Variants in EPHX3 observed in about 807,000 individuals in gnomAD.
EPHX3 encodes the protein epoxide hydrolase 3, also known as abhydrolase domain containing 9.
Under a neutral mutation model 40.2 loss-of-function variants are expected in EPHX3, and 39 were observed. The observed-to-expected ratio is 0.97, with a 90% CI of 0.75 to 1.27. The LOEUF is 1.27. Ranked by LOEUF, EPHX3 falls within the 50% of genes most tolerant of loss-of-function variation. The pLI is 0.00. For synonymous variants in EPHX3, 213 were observed against 209.7 expected, an observed-to-expected ratio of 1.02 and a Z score of -0.14; for missense variants, 442 against 474.0, an observed-to-expected ratio of 0.93 and a Z score of 0.63.
At chr19:15,233,304 G>A (rs2047168291), upstream of EPHX3, 1 of 152,462 alleles carries the variant, frequency 6.6e-6, no homozygotes, top group African/African-American at 2.4e-5. Flanking sequence ...AGCGGCTGGA[G>A]GAGGCTTCGG....
chr19:15,227,915 C>A lies in EPHX3; in HGVS notation c.721-8G>T. On this transcript the variant is annotated splice_polypyrimidine_tract_variant and splice_region_variant and intron_variant, in intron 5 of 6. Coordinates refer to ENST00000221730, the MANE Select transcript of EPHX3 (RefSeq NM_024794.3). ...GAGGGTGGTCTTCAGAATCTAGGTA[C>A]ACAGCAGGACTCTGGCTTCAGTGCC... The A allele has an allele frequency of 6.2e-7, 1 of 1,614,072 alleles. No individual in the cohort carries two copies. The highest frequency in any genetic ancestry group is 1.1e-5 in the South Asian group (1 of 91,076).
At chr19:15,229,759 G>GGCAGGT (rs2047139433) in intron 4 of EPHX3, among the ~76,000 whole-genome samples, 2 of 148,604 alleles carry the variant, frequency 1.3e-5, no homozygotes, top group East Asian at 2.0e-4. Flanking sequence ...CCGGCATGGT[G>GGCAGGT]GCCTGTAATC....
At chr19:15,232,621 A>C (rs1487155696), upstream of EPHX3, among the ~76,000 whole-genome samples, 1 of 151,096 alleles carries the variant, frequency 6.6e-6, no homozygotes. Flanking sequence ...TCACGCCTGT[A>C]ATCCCAGCAC....
chr19:15,231,747 G>A (rs772764049), intron 2 of EPHX3, 29 bp downstream of exon 2: 4 of 1,611,562 alleles, frequency 2.5e-6, no homozygotes, highest in Non-Finnish European at 3.4e-6. Flanking sequence ...CGAGTCCCGT[G>A]GGCCTCAGGC....
At chr19:15,235,693 C>T (rs1354612395), upstream of EPHX3, 1 of 152,160 alleles carries the variant, frequency 6.6e-6, no homozygotes, top group Non-Finnish European at 1.5e-5. Flanking sequence ...TCCGTGCATA[C>T]AGTACAGTGG....
At chr19:15,230,858 G>C in intron 4 of EPHX3, 104 bp downstream of exon 4, 1 of 1,481,742 alleles carries the variant, frequency 6.7e-7, no homozygotes, top group Non-Finnish European at 9.2e-7. Flanking sequence ...TGCACCCTCA[G>C]CCCCTGATGT....
In EPHX3 at chr19:15,227,545, G is replaced by C; in HGVS notation, c.975C>G (p.Gly325=). Residue 325 remains glycine (G), a synonymous_variant, in exon 7 of 7, where the codon GGC becomes GGG. Transcript: ENST00000221730. ...VEAIGSRFVP[G]RLEAHILPGI... ...CTGGCAGGATGTGGGCCTCCAAGCG[G>C]CCCGGCACAAAGCGGCTGCCGATGG... The C allele has an allele frequency of 1.2e-6, 2 of 1,614,064 alleles. No homozygotes were observed. The highest frequency in any genetic ancestry group is 1.7e-6 in the Non-Finnish European group (2 of 1,180,040).
chr19:15,227,257 G>T lies in EPHX3; in HGVS notation c.*180C>A. 1.6e-6 allele frequency: 1 copy of T among 610,592 alleles called. No homozygotes were observed. Among genetic ancestry groups the T allele is most frequent in the East Asian group, 2.8e-5 (1 of 36,356 alleles). The allele number at this position is 610,592 out of a possible 1,614,324, so 37.8% of individuals were successfully genotyped here. ...TCCATGCCTGTGTGTGAGTATAGGG[G>T]TTGGTGTGTCCCGAGGCACCCATAG... is the stretch of plus-strand genomic sequence containing the variant. On this transcript the variant is annotated 3_prime_UTR_variant, in exon 7 of 7. Transcript: ENST00000221730.
intron 1 of EPHX3, 51 bp downstream of exon 1, chr19:15,231,918 G>T (rs763823435): frequency 1.2e-6 from 2 of 1,612,688 alleles, no homozygotes; most frequent in Admixed American, 1.7e-5. Flanking sequence ...GGCTTGAACC[G>T]TCTCGACCCC....
upstream of EPHX3, chr19:15,233,436 C>G (rs1397687623): frequency 6.6e-6 from 1 of 152,326 alleles, no homozygotes; most frequent in Non-Finnish European, 1.5e-5. Context: ...AACGGCGGGT[C>G]CAGCGGCCTC....
Position 15,231,758 on chromosome 19 carries a change from C to T in EPHX3, c.329+18G>A, listed in dbSNP as rs753877652. ...CCCCCGAGTCCCGTGGGCCTCAGGC[C>T]CCTGGCCCCAGACGTACCAGTTCTC... On this transcript the variant is annotated intron_variant, in intron 2 of 6. Transcript: ENST00000221730. 6.2e-7 allele frequency: 1 copy of T among 1,613,638 alleles called. No homozygotes were observed. Among genetic ancestry groups the T allele is most frequent in the South Asian group, 1.1e-5 (1 of 91,070 alleles).
At chr19:15,229,794 G>A (rs2047139713) in intron 4 of EPHX3, among the ~76,000 whole-genome samples, 1 of 142,648 alleles carries the variant, frequency 7.0e-6, no homozygotes, top group Non-Finnish European at 1.5e-5. Flanking sequence ...GGCTGAGGCA[G>A]GGGAATCGCT....
chr19:15,231,811 G>C lies in EPHX3; in HGVS notation c.294C>G (p.Pro98=), dbSNP rs200237647. Residue 98 remains proline, a synonymous_variant, in exon 2 of 7, where the codon CCC becomes CCG. Coordinates refer to ENST00000221730, the MANE Select transcript of EPHX3 (RefSeq NM_024794.3). The stretch of plus-strand genomic sequence containing the variant: ...GGAAGCCGTGCAGAAACAGCATGAG[G>C]GGTCCGTTACCTCGTCCAGCCGAGA... ...HYVSAGRGNG[P]LMLFLHGFPE... is the part of the protein sequence containing the mutation. 757 of 1,613,964 alleles carry C rather than the reference G, an allele frequency of 4.7e-4. 14 individuals are homozygous for C. The South Asian group carries it at 7.9e-3, about 17-fold the overall frequency.
At position 15,228,112 on chromosome 19, in the gene EPHX3, G is replaced by T; in HGVS notation, c.617-12C>A. On this transcript the variant is annotated splice_polypyrimidine_tract_variant and intron_variant, in intron 4 of 6. Coordinates refer to ENST00000221730, the MANE Select transcript of EPHX3 (RefSeq NM_024794.3). ...GTGCAGGGAATAGTCTGGGGTGGGA[G>T]GGTTGGGGGAGAGATATAAGGCCTG... 6.5e-6 allele frequency: 10 copies of T among 1,550,150 alleles called. No individual in the cohort carries two copies. Among genetic ancestry groups the T allele is most frequent in the South Asian group, 2.3e-5 (2 of 87,962 alleles).
chr19:15,229,863 G>A (rs1376834475), intron 4 of EPHX3, among the ~76,000 whole-genome samples: 5 of 86,870 alleles, frequency 5.8e-5, no homozygotes, highest in African/African-American at 2.4e-4. Context: ...CTCCAGCCTG[G>A]CGACAGAGCA....
upstream of EPHX3, chr19:15,233,178 A>C (rs2047167471): frequency 6.6e-6 from 1 of 151,962 alleles, no homozygotes; most frequent in African/African-American, 2.4e-5. Flanking sequence ...GGCAATGGGC[A>C]ATGAGACGGA....
chr19:15,227,598 T>C lies in EPHX3; in HGVS notation c.922A>G (p.Thr308Ala), dbSNP rs749027645. ...TCCACCAGCCCCAGCTCCAAGTAAG[T>C]GTCCTTCTCCCCCCACAGCAGCAAT... ...PTLLLWGEKDTYLELGLVEAI... is the reference protein window; with the variant it reads ...PTLLLWGEKDAYLELGLVEAI... The change falls in exon 7 of 7, where the codon ACT becomes GCT. Residue 308 changes from threonine (T) to alanine (A), a missense_variant. Physicochemically the swap from Thr to Ala is moderately conservative, Grantham distance 58. Transcript: ENST00000221730. The C allele has an allele frequency of 1.5e-5, 25 of 1,613,948 alleles. No homozygotes were observed. The highest frequency in any genetic ancestry group is 2.0e-5 in the Non-Finnish European group (24 of 1,180,034).
chr19:15,232,097 A>G lies in EPHX3; in HGVS notation c.115T>C (p.Tyr39His). The G allele has an allele frequency of 1.3e-6, 2 of 1,554,222 alleles. No homozygotes were observed. The highest frequency in any genetic ancestry group is 2.4e-5 in the East Asian group (1 of 42,500). ...FSVALVAAAV[Y>H]GCIALTHVLC... is the part of the protein sequence containing the mutation. ...ACGTGCGTGAGCGCTATGCAGCCGT[A>G]GACCGCCGCGGCCACCAGCGCCACC... The change falls in exon 1 of 7, where the codon TAC becomes CAC. Residue 39 changes from tyrosine to histidine, a missense_variant. Coordinates refer to ENST00000221730, the MANE Select transcript of EPHX3 (RefSeq NM_024794.3).
chr19:15,229,885 C>CAAAAA (rs546876108), intron 4 of EPHX3, among the ~76,000 whole-genome samples: 137 of 9,086 alleles, frequency 0.015, 3 homozygotes, highest in Admixed American at 0.018. Flanking sequence ...GACTCTGTCT[C>CAAAAA]AAAAAAAAAA....
Sources: gnomAD v4.1 joint callset for allele counts (sites outside exome capture counted in the v4.1 genomes callset) on GRCh38, gnomAD v4.1.1 for gene constraint, MANE v1.5 for transcripts, NCBI Gene and HGNC (gene_info 2026-07-23, HGNC 2026-07-21) for gene names.